The following SHANK2 variants were observed in gnomAD, a reference collection of about 807,000 sequenced individuals.
SHANK2 encodes SH3 and multiple ankyrin repeat domains protein 2.
A neutral mutation model predicts 133.7 loss-of-function variants in SHANK2; 43 were observed. That is an observed-to-expected ratio of 0.32 (90% CI 0.25 to 0.41). The LOEUF is 0.41. SHANK2 is among the 10% of genes least tolerant of loss of function. The pLI is 1.00. For missense variants in SHANK2, 1,994 were observed against 2,235.8 expected (o/e 0.89, Z 2.18); for synonymous variants, 1,017 against 952.8 (o/e 1.07, Z -1.24).
intron 8 of SHANK2, among the ~76,000 whole-genome samples, chr11:71,083,022 T>C (rs1027674093): frequency 1.1e-4 from 16 of 145,074 alleles, no homozygotes; most frequent in Admixed American, 2.8e-4. Context: ...CTTGGCTCAC[T>C]GCAGCCTCCA....
At chr11:70,832,951 C>T (rs1274808362) in intron 11 of SHANK2, among the ~76,000 whole-genome samples, 1 of 152,194 alleles carries the variant, frequency 6.6e-6, no homozygotes, top group Admixed American at 6.5e-5. Context: ...GTGGCTGAGC[C>T]AGTGTCCTCA....
rs1438687635 is a variant in SHANK2 at position 70,752,950 on chromosome 11, C to T, written c.1777+45493G>A. 3.3e-5 allele frequency among the ~76,000 whole-genome samples: 5 copies of T among 151,704 alleles called. No individual in the cohort carries two copies. The South Asian group carries it at 8.3e-4, about 25-fold the overall frequency. On this transcript the variant is annotated intron_variant, in intron 14 of 25. Coordinates refer to ENST00000601538, the MANE Select transcript of SHANK2 (RefSeq NM_012309.5). ...CTAATATGGTGAAACCCTGTCTATA[C>T]TAAAAATATAAAATTAGCTGGGTGT...
chr11:70,823,436 A>G (rs1407445950), intron 11 of SHANK2, among the ~76,000 whole-genome samples: 9 of 72,396 alleles, frequency 1.2e-4, no homozygotes, highest in African/African-American at 2.2e-4. Context: ...CAGAGGTGTC[A>G]TTGGCAGAGG....
chr11:70,671,988 TA>T (rs1255570672), intron 15 of SHANK2, among the ~76,000 whole-genome samples: 1 of 151,994 alleles, frequency 6.6e-6, no homozygotes, highest in East Asian at 1.9e-4. Context: ...ACTCTTTATG[TA>T]AAAACCTTAA....
intron 6 of SHANK2, among the ~76,000 whole-genome samples, chr11:71,101,617 C>T (rs1365163552): frequency 6.6e-6 from 1 of 152,202 alleles, no homozygotes; most frequent in Non-Finnish European, 1.5e-5. Context: ...TCCCGGGTGC[C>T]GTTAGTTCTG....
chr11:71,253,007 G>A (rs1281302663), upstream of SHANK2, among the ~76,000 whole-genome samples: 1 of 152,228 alleles, frequency 6.6e-6, no homozygotes, highest in Non-Finnish European at 1.5e-5. Flanking sequence ...ACATCAAAAC[G>A]TTTGCAGAGC....
intron 14 of SHANK2, among the ~76,000 whole-genome samples, chr11:70,794,838 G>A (rs1262440545): frequency 1.3e-5 from 2 of 152,200 alleles, no homozygotes; most frequent in East Asian, 1.9e-4. Flanking sequence ...TTACAGGCAT[G>A]AGCCACCACA....
chr11:70,674,892 A>T (rs1295377986), intron 15 of SHANK2, among the ~76,000 whole-genome samples: 1 of 152,272 alleles, frequency 6.6e-6, no homozygotes, highest in Non-Finnish European at 1.5e-5. Context: ...TTCTAAAGAT[A>T]GGCTCTAAAT....
chr11:70,594,243 G>A (rs1388144434), intron 17 of SHANK2, among the ~76,000 whole-genome samples: 5 of 152,232 alleles, frequency 3.3e-5, no homozygotes, highest in Admixed American at 6.5e-5. Context: ...ATGCCGGGGC[G>A]TGGGGGATGC....
intron 15 of SHANK2, among the ~76,000 whole-genome samples, chr11:70,688,856 C>T (rs1333246206): frequency 6.6e-6 from 1 of 152,206 alleles, no homozygotes; most frequent in African/African-American, 2.4e-5. Flanking sequence ...AGCTCTATCA[C>T]CTGGCCACCT....
At chr11:70,904,509 G>GTT (rs1555077485) in intron 10 of SHANK2, among the ~76,000 whole-genome samples, 5 of 60,260 alleles carry the variant, frequency 8.3e-5, no homozygotes, top group African/African-American at 2.8e-4. Flanking sequence ...AGATCTGATG[G>GTT]GTTTTTTTTT....
chr11:71,105,720 T>C (rs1254758757), intron 6 of SHANK2, among the ~76,000 whole-genome samples: 2 of 150,352 alleles, frequency 1.3e-5, no homozygotes, highest in Non-Finnish European at 2.9e-5. Flanking sequence ...ATACAGGACA[T>C]CTGGCAAAAC....
chr11:71,181,656 T>G (rs546564181), intron 2 of SHANK2, among the ~76,000 whole-genome samples: 1 of 152,024 alleles, frequency 6.6e-6, no homozygotes, highest in African/African-American at 2.4e-5. Context: ...AGGCGCCCGC[T>G]CATGGTGAAG....
At chr11:70,947,964 T>C (rs1555085755) in intron 10 of SHANK2, among the ~76,000 whole-genome samples, 1 of 152,186 alleles carries the variant, frequency 6.6e-6, no homozygotes, top group African/African-American at 2.4e-5. Flanking sequence ...CCACCACTGG[T>C]GTGGGCACCA....
intron 8 of SHANK2, among the ~76,000 whole-genome samples, chr11:71,087,864 G>A (rs1951439676): frequency 6.6e-6 from 1 of 152,110 alleles, no homozygotes. Context: ...GCTGGCCTCA[G>A]GTGATCCACC....
intron 15 of SHANK2, among the ~76,000 whole-genome samples, chr11:70,694,211 G>A (rs1945346192): frequency 6.6e-6 from 1 of 152,234 alleles, no homozygotes; most frequent in Non-Finnish European, 1.5e-5. Context: ...GGCCTCTGCT[G>A]TTTGACCTTA....
chr11:70,600,918 C>T (rs1162091083), intron 17 of SHANK2, among the ~76,000 whole-genome samples: 1 of 152,116 alleles, frequency 6.6e-6, no homozygotes, highest in Non-Finnish European at 1.5e-5. Flanking sequence ...AGAAAAATCA[C>T]AAACTCTGAA....
At chr11:70,656,993 A>G (rs1004735771) in intron 17 of SHANK2, among the ~76,000 whole-genome samples, 5 of 152,238 alleles carry the variant, frequency 3.3e-5, no homozygotes, top group Non-Finnish European at 5.9e-5. Context: ...ATTCTCACAA[A>G]GTTAACGAGG....
At chr11:71,156,891 C>T (rs1952917258) in intron 2 of SHANK2, among the ~76,000 whole-genome samples, 1 of 152,148 alleles carries the variant, frequency 6.6e-6, no homozygotes, top group Non-Finnish European at 1.5e-5. Context: ...CCCTTCCTTG[C>T]TACACTCAAG....
Sources: allele counts gnomAD v4.1 joint callset (sites outside exome capture counted in the v4.1 genomes callset), GRCh38; gene constraint gnomAD v4.1.1; transcripts MANE v1.5; gene names NCBI Gene and HGNC (gene_info 2026-07-23, HGNC 2026-07-21).